The following CROCC2 variants were observed in gnomAD, a reference collection of about 807,000 sequenced individuals.
CROCC2 encodes ciliary rootlet coiled-coil, rootletin family member 2.
CROCC2 carries 163 observed loss-of-function variants against 177.6 expected under a neutral mutation model. The ratio of observed to expected loss-of-function variants is 0.92; its 90% CI spans 0.81 to 1.05. The LOEUF (loss-of-function observed/expected upper bound fraction) is 1.05. Among genes scored for constraint, CROCC2 ranks in the 50% least tolerant of loss-of-function variants. The probability of loss-of-function intolerance (pLI) is 0.00; values close to 1 mark genes in which losing one functional copy is unlikely to be tolerated. For missense variants in CROCC2, 1,929 were observed against 1,797.8 expected (o/e 1.07, Z -1.32); for synonymous variants, 904 against 787.3 (o/e 1.15, Z -2.48).
At chr2:240,940,378 A>G (rs10933524) in intron 14 of CROCC2, among the ~76,000 whole-genome samples, 87,219 of 151,872 alleles carry the variant, frequency 0.57, 25,587 homozygotes, top group Non-Finnish European at 0.63. Flanking sequence ...TTTGATATCT[A>G]CTTTTTTGAT....
In CROCC2 at chr2:240,917,370, C is replaced by T. The variant is rs918122999; in HGVS notation, c.79-1356C>T. On this transcript the variant is annotated intron_variant, in intron 1 of 31. Coordinates refer to ENST00000690015, the MANE Select transcript of CROCC2 (RefSeq NM_001351305.2). The surrounding 1 kb of genome is among the most constrained non-coding windows in gnomAD (Gnocchi z 4.9). ...CCAGGGAGCATCCGGGATAGCCAGACAGCATGCACCAGGTGCAGGAGGCCT... is the reference window on the plus strand; with the variant it reads ...CCAGGGAGCATCCGGGATAGCCAGATAGCATGCACCAGGTGCAGGAGGCCT... 1.3e-5 allele frequency among the ~76,000 whole-genome samples: 2 copies of T among 152,144 alleles called. No individual in the cohort carries two copies. Among genetic ancestry groups the T allele is most frequent in the African/African-American group, 4.8e-5 (2 of 41,440 alleles).
rs113759478 is a variant in CROCC2, at chr2:240,984,323, C to T, written c.4551+1294C>T. On this transcript the variant is annotated intron_variant, in intron 28 of 31. Coordinates refer to ENST00000690015, the MANE Select transcript of CROCC2 (RefSeq NM_001351305.2). Reference sequence around the variant, plus strand: ...TGAAACCAGACGGAGCAGAACCATTCGCGGGGAGATGAGGGGCGCACAGCC... The same window carrying T: ...TGAAACCAGACGGAGCAGAACCATTTGCGGGGAGATGAGGGGCGCACAGCC... 6.6e-5 allele frequency among the ~76,000 whole-genome samples: 10 copies of T among 152,140 alleles called. 1 individual carries two copies. The highest frequency in any genetic ancestry group is 2.2e-4 in the African/African-American group (9 of 41,470).
At chr2:240,959,229 C>T (rs1159287723) in intron 19 of CROCC2, 72 bp from the exon 20 acceptor site, 10 of 1,508,836 alleles carry the variant, frequency 6.6e-6, no homozygotes, top group African/African-American at 5.6e-5. Flanking sequence ...TCTCCAGGGT[C>T]CTGGCCTTAC....
intron 3 of CROCC2, among the ~76,000 whole-genome samples, chr2:240,921,060 C>T (rs1349304356): frequency 6.6e-6 from 1 of 152,242 alleles, no homozygotes; most frequent in African/African-American, 2.4e-5. Context: ...ACCCAGGCCA[C>T]ACCACCATTA....
intron 25 of CROCC2, among the ~76,000 whole-genome samples, chr2:240,966,652 C>A (rs1376399381): frequency 1.3e-5 from 2 of 152,140 alleles, no homozygotes; most frequent in Non-Finnish European, 2.9e-5. Flanking sequence ...TGCTGTGACA[C>A]CCACCAGGGC....
chr2:240,966,495 T>G, intron 25 of CROCC2, 86 bp downstream of exon 25: 11 of 395,260 alleles, frequency 2.8e-5, no homozygotes, highest in South Asian at 1.3e-4. Context: ...CATCCGCGCG[T>G]CCCTGGGTCT....
At chr2:240,929,493 A>G (rs1314528123) in intron 5 of CROCC2, among the ~76,000 whole-genome samples, 5 of 151,468 alleles carry the variant, frequency 3.3e-5, no homozygotes, top group Admixed American at 6.6e-5. Flanking sequence ...TGCACACACA[A>G]TTCCCCCCAT....
chr2:240,959,067 G>T, intron 19 of CROCC2: 1 of 503,888 alleles, frequency 2.0e-6, no homozygotes, highest in Non-Finnish European at 3.5e-6. Context: ...CTGTGTCCGT[G>T]GGCACTCACA....
rs1352450034 is a variant in CROCC2 at position 240,967,350 on chromosome 2, C to G, written c.4152C>G (p.Asp1384Glu). 1 of 716,952 alleles carries G rather than the reference C, an allele frequency of 1.4e-6. No individual in the cohort carries two copies. The highest frequency in any genetic ancestry group is 1.7e-5 in the African/African-American group (1 of 57,272). 44.4% of individuals were successfully genotyped at this position (716,952 alleles called of 1,614,324 possible). A position where few individuals can be genotyped will look rare whatever the true frequency, so the allele number is the denominator to read the frequency against. ...ACCTCAGTCCTTCTGCCCAGGATGA[C>G]TCCCGCATCCAGATGGCGACCCTGA... ...KLREAQRERD[D>E]SRIQMATLSS... is the part of the protein sequence containing the mutation. Residue 1384 changes from aspartate (D) to glutamate (E), a missense_variant, in exon 26 of 32, where the codon GAC becomes GAG. Coordinates refer to ENST00000690015, the MANE Select transcript of CROCC2 (RefSeq NM_001351305.2).
intron 29 of CROCC2, 36 bp from the exon 30 acceptor site, chr2:240,989,616 TGA>T: frequency 6.6e-7 from 1 of 1,519,454 alleles, no homozygotes; most frequent in Non-Finnish European, 8.9e-7. Flanking sequence ...CGGCCCTCAG[TGA>T]GAGACAGCAG....
chr2:240,936,160 T>C (rs2059468976), intron 14 of CROCC2, among the ~76,000 whole-genome samples: 1 of 152,238 alleles, frequency 6.6e-6, no homozygotes, highest in East Asian at 1.9e-4. Flanking sequence ...GTTTTCAGAT[T>C]CTGCCTTGTC....
At position 240,958,302 on chromosome 2, in the gene CROCC2, T is replaced by A; in HGVS notation, c.2944-999T>A. The A allele has an allele frequency of 4.8e-6, 3 of 619,466 alleles. No homozygotes were observed. The highest frequency in any genetic ancestry group is 6.1e-6 in the Non-Finnish European group (3 of 495,366). The allele number at this position is 619,466 out of a possible 1,614,324, so 38.4% of individuals were successfully genotyped here. A position where few individuals can be genotyped will look rare whatever the true frequency, so the allele number is the denominator to read the frequency against. ...TCAGGGGCACCCATCACTGGCAGTG[T>A]TGGGGCATGCTGAGGCACAGAGCCA... On this transcript the variant is annotated intron_variant, in intron 19 of 31. Transcript: ENST00000690015. The surrounding 1 kb of genome is among the most constrained non-coding windows in gnomAD (Gnocchi z 6.7).
At chr2:240,967,796 G>A (rs1034584789) in intron 26 of CROCC2, among the ~76,000 whole-genome samples, 1 of 151,908 alleles carries the variant, frequency 6.6e-6, no homozygotes, top group African/African-American at 2.4e-5. Context: ...TGTGCCCTCT[G>A]CCTGGCACCC....
At chr2:240,927,097 C>T (rs964919516) in intron 5 of CROCC2, among the ~76,000 whole-genome samples, 13 of 152,254 alleles carry the variant, frequency 8.5e-5, no homozygotes, top group African/African-American at 3.1e-4. Flanking sequence ...TGCTTTCTCT[C>T]GGCACCTTAA....
At chr2:240,971,845 G>T (rs1452681655) in intron 27 of CROCC2, among the ~76,000 whole-genome samples, 1 of 151,860 alleles carries the variant, frequency 6.6e-6, no homozygotes, top group Non-Finnish European at 1.5e-5. Flanking sequence ...TTTCCCCAAG[G>T]TCCCAGGAGA....
chr2:240,983,630 T>C, intron 28 of CROCC2: 1 of 1,284,226 alleles, frequency 7.8e-7, no homozygotes, highest in East Asian at 5.7e-5. Flanking sequence ...CTGGCTGGGG[T>C]CCGCAGGGGC....
intron 1 of CROCC2, among the ~76,000 whole-genome samples, chr2:240,915,910 C>G (rs2059317051): frequency 6.6e-6 from 1 of 152,192 alleles, no homozygotes; most frequent in Non-Finnish European, 1.5e-5. Flanking sequence ...GACCTCCAGC[C>G]CTGGTGTTCC....
chr2:240,972,981 G>A lies in CROCC2; in HGVS notation c.4401+4719G>A, dbSNP rs558971538. 1.8e-4 allele frequency among the ~76,000 whole-genome samples: 28 copies of A among 152,176 alleles called. No homozygotes were observed. Among genetic ancestry groups the A allele is most frequent in the Admixed American group, 1.6e-3 (24 of 15,288 alleles). On this transcript the variant is annotated intron_variant, in intron 27 of 31. Transcript: ENST00000690015. The surrounding 1 kb of genome is among the most constrained non-coding windows in gnomAD (Gnocchi z 7.1). ...GGCTGGGAACATAGCCATGCTCCCTGCTGCCCCATGCCCCTTGCTGAGCAG... is the reference window on the plus strand; with the variant it reads ...GGCTGGGAACATAGCCATGCTCCCTACTGCCCCATGCCCCTTGCTGAGCAG...
Position 240,989,841 on chromosome 2 carries a change from C to A in CROCC2, c.4863+8C>A. The A allele has an allele frequency of 6.5e-7, 1 of 1,531,748 alleles. No homozygotes were observed. Among genetic ancestry groups the A allele is most frequent in the Non-Finnish European group, 8.8e-7 (1 of 1,132,964 alleles). The allele number at this position is 1,531,748 out of a possible 1,614,324, so 94.9% of individuals were successfully genotyped here. A position where few individuals can be genotyped will look rare whatever the true frequency, so the allele number is the denominator to read the frequency against. On this transcript the variant is annotated splice_region_variant and intron_variant, in intron 30 of 31. Coordinates refer to ENST00000690015, the MANE Select transcript of CROCC2 (RefSeq NM_001351305.2). ...AAGGTGCTGGAAGAGCAGGTAAGGT[C>A]GGGACCCCAGCCCCCTGGGTGAGGG... is the stretch of plus-strand genomic sequence containing the variant.
Sources: allele counts gnomAD v4.1 joint callset (sites outside exome capture counted in the v4.1 genomes callset), GRCh38; gene constraint gnomAD v4.1.1; non-coding constraint Gnocchi (gnomAD v3.1); transcripts MANE v1.5; gene names NCBI Gene and HGNC (gene_info 2026-07-23, HGNC 2026-07-21).